The following CCDC3 variants were observed in gnomAD, a reference collection of about 807,000 sequenced individuals.
CCDC3 encodes the protein coiled-coil domain-containing protein 3.
CCDC3 carries 24 observed loss-of-function variants against 21.4 expected under a neutral mutation model. The ratio of observed to expected loss-of-function variants is 1.12; its 90% CI spans 0.81 to 1.58. The LOEUF (loss-of-function observed/expected upper bound fraction) is 1.58, where lower values mean the gene tolerates loss of function less well. CCDC3 is among the 40% of genes most tolerant of loss of function. CCDC3 has a pLI of 0.00. For missense variants in CCDC3, 425 were observed against 360.9 expected (o/e 1.18, Z -1.44); for synonymous variants, 186 against 166.0 (o/e 1.12, Z -0.93).
At chr10:12,944,152 C>T (rs1250576669) in intron 2 of CCDC3, among the ~76,000 whole-genome samples, 1 of 152,204 alleles carries the variant, frequency 6.6e-6, no homozygotes, top group Non-Finnish European at 1.5e-5. Context: ...AAATATATTT[C>T]TTTGACATAT....
At chr10:12,915,913 C>A (rs765231541) in intron 2 of CCDC3, among the ~76,000 whole-genome samples, 3 of 152,046 alleles carry the variant, frequency 2.0e-5, no homozygotes, top group Non-Finnish European at 4.4e-5. Flanking sequence ...GCTGACCTGG[C>A]ACCAGGGTCT....
chr10:13,006,233 C>T (rs902941431), upstream of CCDC3, among the ~76,000 whole-genome samples: 3 of 152,170 alleles, frequency 2.0e-5, no homozygotes, highest in Non-Finnish European at 4.4e-5. Flanking sequence ...ATACTGTTAG[C>T]CCTGACAGGT....
intron 1 of CCDC3, 74 bp downstream of exon 1, chr10:13,001,123 T>C (rs1835842529): frequency 1.3e-6 from 2 of 1,488,530 alleles, no homozygotes; most frequent in African/African-American, 1.4e-5. Context: ...GTTACCGGCC[T>C]GGCTCTAGGT....
chr10:12,970,713 C>A (rs1416219181), intron 2 of CCDC3, among the ~76,000 whole-genome samples: 1 of 152,090 alleles, frequency 6.6e-6, no homozygotes, highest in Non-Finnish European at 1.5e-5. Context: ...TGGTGAAACC[C>A]TGTCTTTACC....
At chr10:13,020,415 T>C (rs1316928254) in intron 5 of CCDC3, among the ~76,000 whole-genome samples, 1 of 152,232 alleles carries the variant, frequency 6.6e-6, no homozygotes, top group Non-Finnish European at 1.5e-5. Flanking sequence ...TGTGCTATTA[T>C]TCTCAGCAAA....
chr10:13,021,494 C>T (rs1836144132), intron 5 of CCDC3, among the ~76,000 whole-genome samples: 1 of 152,222 alleles, frequency 6.6e-6, no homozygotes. Context: ...CCTGTGGCAG[C>T]TTCTCTTAGT....
At chr10:12,918,776 G>A (rs1027822943) in intron 2 of CCDC3, among the ~76,000 whole-genome samples, 4 of 152,222 alleles carry the variant, frequency 2.6e-5, no homozygotes, top group African/African-American at 4.8e-5. Context: ...CAAGTTGGCC[G>A]GGCACGGTGG....
chr10:13,067,528 T>G (rs892996656), intron 4 of CCDC3, among the ~76,000 whole-genome samples: 1 of 152,216 alleles, frequency 6.6e-6, no homozygotes, highest in Non-Finnish European at 1.5e-5. Context: ...GGGCTTTGCA[T>G]GACTTTCTGT....
intron 3 of CCDC3, among the ~76,000 whole-genome samples, chr10:13,086,925 T>A (rs934398780): frequency 1.3e-5 from 2 of 152,078 alleles, no homozygotes; most frequent in East Asian, 3.9e-4. Flanking sequence ...TAATAACAGT[T>A]AAGGAAACAT....
Position 12,982,121 on chromosome 10 carries a change from C to CAAAA in CCDC3, c.549+16213_549+16216dup, listed in dbSNP as rs71386135. Among the ~76,000 whole-genome samples the CAAAA allele has an allele frequency of 2.5e-3, 84 of 33,264 alleles. 8 individuals are homozygous for CAAAA. The highest frequency in any genetic ancestry group is 0.01 in the African/African-American group (75 of 7,430). The allele number at this position is 33,264 out of a possible 152,430, so 21.8% of individuals were successfully genotyped here. A position where few individuals can be genotyped will look rare whatever the true frequency, so the allele number is the denominator to read the frequency against. On this transcript the variant is annotated intron_variant, in intron 2 of 2. Transcript: ENST00000378825. ...TGGGAGACAGAGAGAGACTCTGTCTCAAAAAAAAAAAAAAAAAAAAAAAAA... is the reference window on the plus strand; with the variant it reads ...TGGGAGACAGAGAGAGACTCTGTCTCAAAAAAAAAAAAAAAAAAAAAAAAAAAAA...
At chr10:12,939,965 C>T (rs1233932447) in intron 2 of CCDC3, among the ~76,000 whole-genome samples, 1 of 152,146 alleles carries the variant, frequency 6.6e-6, no homozygotes, top group African/African-American at 2.4e-5. Context: ...GGTCGGAGGC[C>T]TTTAAAAATA....
intron 2 of CCDC3, among the ~76,000 whole-genome samples, chr10:12,955,002 C>T (rs536663212): frequency 1.3e-5 from 2 of 152,280 alleles, no homozygotes; most frequent in African/African-American, 2.4e-5. Context: ...CCCACCTAGA[C>T]ATTACCAGTT....
At chr10:13,079,741 G>C (rs1408976637) in intron 3 of CCDC3, among the ~76,000 whole-genome samples, 6 of 152,202 alleles carry the variant, frequency 3.9e-5, no homozygotes, top group Admixed American at 3.3e-4. Flanking sequence ...CTCTTCTCAG[G>C]GGAAGAAAGA....
At position 13,058,607 on chromosome 10, in the gene CCDC3, G is replaced by A. The variant is rs1190060705; in HGVS notation, c.-269-8666C>T. ...GCATAGTAATCCGTTTTACCCTCTC[G>A]TCGTCTTCTAAACGTCACTTGGTAT... On this transcript the variant is annotated intron_variant, in intron 4 of 6. Coordinates refer to the CCDC3 transcript ENST00000378839. 2.1e-5 allele frequency: 13 copies of A among 623,178 alleles called. 1 individual carries two copies. The highest frequency in any genetic ancestry group is 9.4e-5 in the South Asian group (5 of 53,286). 38.6% of individuals were successfully genotyped at this position (623,178 alleles called of 1,614,324 possible).
intron 4 of CCDC3, among the ~76,000 whole-genome samples, chr10:13,065,568 T>G (rs1836811627): frequency 1.3e-5 from 2 of 152,232 alleles, no homozygotes; most frequent in South Asian, 4.1e-4. Flanking sequence ...AGAACGTTCT[T>G]GCTTAATAAT....
intron 3 of CCDC3, among the ~76,000 whole-genome samples, chr10:13,083,485 C>T (rs1837067284): frequency 6.6e-6 from 1 of 152,208 alleles, no homozygotes; most frequent in Non-Finnish European, 1.5e-5. Context: ...TTCCTTCAAG[C>T]TTCCTTGATT....
intron 2 of CCDC3, among the ~76,000 whole-genome samples, chr10:12,931,842 A>T (rs1216747764): frequency 6.6e-6 from 1 of 152,224 alleles, no homozygotes; most frequent in East Asian, 1.9e-4. Flanking sequence ...GGGGCTCTGA[A>T]TCTGGGGTCT....
intron 5 of CCDC3, among the ~76,000 whole-genome samples, chr10:13,017,277 G>A (rs1466663743): frequency 6.6e-6 from 1 of 151,910 alleles, no homozygotes; most frequent in Non-Finnish European, 1.5e-5. Flanking sequence ...AGTACTTTGG[G>A]AGGCCGAGGT....
intron 4 of CCDC3, among the ~76,000 whole-genome samples, chr10:13,060,691 G>C (rs1836746546): frequency 6.6e-6 from 1 of 152,080 alleles, no homozygotes; most frequent in South Asian, 2.1e-4. Flanking sequence ...TTTTTGTAGA[G>C]ACAGGGGTCT....
Sources: allele counts gnomAD v4.1 joint callset (sites outside exome capture counted in the v4.1 genomes callset), GRCh38; gene constraint gnomAD v4.1.1; transcripts MANE v1.5; gene names NCBI Gene and HGNC (gene_info 2026-07-23, HGNC 2026-07-21).